The following RTL10 variants were observed in gnomAD, a reference collection of about 807,000 sequenced individuals.
RTL10 encodes retrotransposon Gag like 10.
For missense variants in RTL10, 477 were observed against 470.7 expected (o/e 1.01, Z -0.12); for synonymous variants, 199 against 188.4 (o/e 1.06, Z -0.46).
rs760300855 is a variant in RTL10, at chr22:19,852,191, G to A, written c.71C>T (p.Ala24Val). 1.2e-6 allele frequency: 2 copies of A among 1,613,810 alleles called. No homozygotes were observed. Among genetic ancestry groups the A allele is most frequent in the East Asian group, 4.5e-5 (2 of 44,888 alleles). ...PIWAAANYAN[A>V]HPWQQMDKAS... ...CTTGTCCATCTGCTGCCATGGATGTGCGTTGGCATAATTGGCGGCTGCCCA... is the reference window on the plus strand; with the variant it reads ...CTTGTCCATCTGCTGCCATGGATGTACGTTGGCATAATTGGCGGCTGCCCA... Residue 24 changes from alanine to valine, a missense_variant, in exon 3 of 3, where the codon GCA becomes GTA. Coordinates refer to ENST00000328554, the MANE Select transcript of RTL10 (RefSeq NM_024627.6).
In RTL10 at chr22:19,851,648, ACTGGCAG is replaced by A; in HGVS notation, c.607_613del (p.Leu203TrpfsTer8). 1.9e-6 allele frequency: 3 copies of A among 1,594,312 alleles called. No individual in the cohort carries two copies. The highest frequency in any genetic ancestry group is 2.6e-6 in the Non-Finnish European group (3 of 1,168,394). ...CCTCACCACAGGCAGCTGAGGGGCCACTGGCAGCTGGCTGGAGGCCAGGGGCAGGGGA... is the reference window on the plus strand; with the variant it reads ...CCTCACCACAGGCAGCTGAGGGGCCACTGGCTGGAGGCCAGGGGCAGGGGA... On this transcript the variant is annotated frameshift_variant, in exon 3 of 3. Transcript: ENST00000328554. LOFTEE classifies it low-confidence loss of function (END_TRUNC).
Position 19,851,705 on chromosome 22 carries a change from G to A in RTL10, c.557C>T (p.Ala186Val). The A allele has an allele frequency of 6.2e-7, 1 of 1,602,492 alleles. No homozygotes were observed. Among genetic ancestry groups the A allele is most frequent in the Non-Finnish European group, 8.5e-7 (1 of 1,172,288 alleles). The change falls in exon 3 of 3, where the codon GCT becomes GTT. Residue 186 changes from alanine to valine, a missense_variant. Physicochemically the swap from Ala to Val is moderately conservative, Grantham distance 64 (BLOSUM62 0). Transcript: ENST00000328554. ...KEVVQDPNSF[A>V]EYHAVVTCPL... ...ACAGGTAACCACAGCATGGTACTCA[G>A]CAAAACTGTTCGGGTCTTGAACAAC...
In RTL10 at chr22:19,850,657, C is replaced by T; in HGVS notation, c.*510G>A. 3 of 1,228,516 alleles carry T rather than the reference C, an allele frequency of 2.4e-6. No individual in the cohort carries two copies. The highest frequency in any genetic ancestry group is 3.2e-5 in the East Asian group (1 of 31,458). The allele number at this position is 1,228,516 out of a possible 1,614,324, so 76.1% of individuals were successfully genotyped here. A position where few individuals can be genotyped will look rare whatever the true frequency, so the allele number is the denominator to read the frequency against. ...CAAAGTGGCCACTTCCTCCAGGCAGCCTTCCTCACATTCCAGCTGGGACAG... is the reference window on the plus strand; with the variant it reads ...CAAAGTGGCCACTTCCTCCAGGCAGTCTTCCTCACATTCCAGCTGGGACAG... On this transcript the variant is annotated 3_prime_UTR_variant, in exon 3 of 3. Transcript: ENST00000328554.
In RTL10 at chr22:19,846,618, T is replaced by TAGGGGTTAGGACTTG; in HGVS notation, c.*4548_*4549insCAAGTCCTAACCCCT. On this transcript the variant is annotated 3_prime_UTR_variant, in exon 3 of 3. Coordinates refer to ENST00000328554, the MANE Select transcript of RTL10 (RefSeq NM_024627.6). ...CTTCAATATTTTTATGTTCAAGTCCTAACCCCTAGTACTTACATTTGAAGA... is the reference window on the plus strand; with the variant it reads ...CTTCAATATTTTTATGTTCAAGTCCTAGGGGTTAGGACTTGAACCCCTAGTACTTACATTTGAAGA... 1.1e-6 allele frequency: 1 copy of TAGGGGTTAGGACTTG among 910,050 alleles called. No individual in the cohort carries two copies. The highest frequency in any genetic ancestry group is 5.6e-4 in the Middle Eastern group (1 of 1,798). The allele number at this position is 910,050 out of a possible 1,614,324, so 56.4% of individuals were successfully genotyped here. A position where few individuals can be genotyped will look rare whatever the true frequency, so the allele number is the denominator to read the frequency against.
chr22:19,848,784 A>G lies in RTL10; in HGVS notation c.*2383T>C, dbSNP rs970438402. The G allele has an allele frequency of 3.0e-6, 3 of 985,554 alleles. No homozygotes were observed. Among genetic ancestry groups the G allele is most frequent in the Non-Finnish European group, 1.2e-6 (1 of 830,024 alleles). 61.1% of individuals were successfully genotyped at this position (985,554 alleles called of 1,614,324 possible). On this transcript the variant is annotated 3_prime_UTR_variant, in exon 3 of 3. Coordinates refer to ENST00000328554, the MANE Select transcript of RTL10 (RefSeq NM_024627.6). ...AGGGCACAAAAGCCCCAAAGCCCCAATAGGACAGGGTTCAAAAGAGAAGGC... is the reference window on the plus strand; with the variant it reads ...AGGGCACAAAAGCCCCAAAGCCCCAGTAGGACAGGGTTCAAAAGAGAAGGC...
chr22:19,846,876 C>T lies in RTL10; in HGVS notation c.*4291G>A. 2 of 953,114 alleles carry T rather than the reference C, an allele frequency of 2.1e-6. No homozygotes were observed. The highest frequency in any genetic ancestry group is 2.5e-6 in the Non-Finnish European group (2 of 800,382). 59.0% of individuals were successfully genotyped at this position (953,114 alleles called of 1,614,324 possible). A position where few individuals can be genotyped will look rare whatever the true frequency, so the allele number is the denominator to read the frequency against. On this transcript the variant is annotated 3_prime_UTR_variant, in exon 3 of 3. Transcript: ENST00000328554. ...GAGGAAATGTCTGTTGTTTAAGTCC[C>T]CTAGCCTGCGGTCCTTTGTCAGGCA...
chr22:19,851,093 G>A lies in RTL10; in HGVS notation c.*74C>T. ...CTGGGGACACCACTCTGCTCTGACT[G>A]GGGACTATGGGGCGCTCAAGCCACA... On this transcript the variant is annotated 3_prime_UTR_variant, in exon 3 of 3. Transcript: ENST00000328554. The A allele has an allele frequency of 1.3e-6, 2 of 1,490,848 alleles. No homozygotes were observed. The highest frequency in any genetic ancestry group is 1.8e-6 in the Non-Finnish European group (2 of 1,118,858). 92.4% of individuals were successfully genotyped at this position (1,490,848 alleles called of 1,614,324 possible).
Position 19,846,346 on chromosome 22 carries a change from C to A in RTL10, c.*4821G>T. ...TACAGGATAATGCCTTTGTACCCCC[C>A]AGGTAGGGAAAGATTTCTTAAGTGA... On this transcript the variant is annotated 3_prime_UTR_variant, in exon 3 of 3. Transcript: ENST00000328554. 1.2e-6 allele frequency: 1 copy of A among 866,864 alleles called. No homozygotes were observed. The highest frequency in any genetic ancestry group is 1.4e-6 in the Non-Finnish European group (1 of 721,168). 53.7% of individuals were successfully genotyped at this position (866,864 alleles called of 1,614,324 possible).
chr22:19,846,293 T>G lies in RTL10; in HGVS notation c.*4874A>C. ...TTACAGGTGGACTCAAGGTTGAATG[T>G]CAAAGGCAGAAAGTTACAACCTGGG... On this transcript the variant is annotated 3_prime_UTR_variant, in exon 3 of 3. Transcript: ENST00000328554. 4.6e-6 allele frequency: 2 copies of G among 433,334 alleles called. No individual in the cohort carries two copies. The highest frequency in any genetic ancestry group is 6.2e-6 in the Non-Finnish European group (2 of 324,472). The allele number at this position is 433,334 out of a possible 1,614,324, so 26.8% of individuals were successfully genotyped here. A position where few individuals can be genotyped will look rare whatever the true frequency, so the allele number is the denominator to read the frequency against.
chr22:19,851,657 T>A lies in RTL10; in HGVS notation c.605A>T (p.Gln202Leu). 1 of 1,594,628 alleles carries A rather than the reference T, an allele frequency of 6.3e-7. No homozygotes were observed. Among genetic ancestry groups the A allele is most frequent in the Non-Finnish European group, 8.6e-7 (1 of 1,168,586 alleles). ...AGGCAGCTGAGGGGCCACTGGCAGC[T>A]GGCTGGAGGCCAGGGGCAGGGGACA... ...VTCPLPLASS[Q>L]LPVAPQLPVV... The change falls in exon 3 of 3, where the codon CAG becomes CTG. Residue 202 changes from glutamine to leucine, a missense_variant. By Grantham distance (113) the Gln-to-Leu change is moderately radical (BLOSUM62 -2). Coordinates refer to ENST00000328554, the MANE Select transcript of RTL10 (RefSeq NM_024627.6).
Position 19,847,160 on chromosome 22 carries a change from T to G in RTL10, c.*4007A>C. ...TGCTGTGGCCTTTCCCCTGCCTCAG[T>G]GAGCATGGAGAAATATGTCCAGGTA... On this transcript the variant is annotated 3_prime_UTR_variant, in exon 3 of 3. Transcript: ENST00000328554. The G allele has an allele frequency of 1.0e-6, 1 of 985,396 alleles. No individual in the cohort carries two copies. Among genetic ancestry groups the G allele is most frequent in the African/African-American group, 1.7e-5 (1 of 57,336 alleles). The allele number at this position is 985,396 out of a possible 1,614,324, so 61.0% of individuals were successfully genotyped here. A position where few individuals can be genotyped will look rare whatever the true frequency, so the allele number is the denominator to read the frequency against.
In RTL10 at chr22:19,849,028, G is replaced by C. The variant is rs1239184896; in HGVS notation, c.*2139C>G. 4.1e-6 allele frequency: 4 copies of C among 985,388 alleles called. No individual in the cohort carries two copies. Among genetic ancestry groups the C allele is most frequent in the African/African-American group, 3.5e-5 (2 of 57,218 alleles). The allele number at this position is 985,388 out of a possible 1,614,324, so 61.0% of individuals were successfully genotyped here. A position where few individuals can be genotyped will look rare whatever the true frequency, so the allele number is the denominator to read the frequency against. On this transcript the variant is annotated 3_prime_UTR_variant, in exon 3 of 3. Transcript: ENST00000328554. The stretch of plus-strand genomic sequence containing the variant: ...AGCAGTCTGACCCAACCCACAAAAG[G>C]GGGGATGGGGCCTGAGTCATCGGAC...
chr22:19,852,524 C>T (rs1191120309), intron 2 of RTL10, 38 bp from the exon 3 acceptor site: 2 of 494,332 alleles, frequency 4.0e-6, no homozygotes, highest in Non-Finnish European at 7.2e-6. Flanking sequence ...AGGAACTAGG[C>T]CTAACCATCA....
chr22:19,852,601 TGG>T, intron 2 of RTL10, 115 bp from the exon 3 acceptor site: 1 of 274,150 alleles, frequency 3.6e-6, no homozygotes, highest in Non-Finnish European at 6.8e-6. Flanking sequence ...GAGCTTTGAA[TGG>T]AAGGAGGGGC....
rs187884553 is a variant in RTL10, at chr22:19,847,054, G to A, written c.*4113C>T. The A allele has an allele frequency of 2.9e-4, 288 of 985,452 alleles. 1 individual carries two copies. The African/African-American group carries it at 3.8e-3, about 13-fold the overall frequency. The allele number at this position is 985,452 out of a possible 1,614,324, so 61.0% of individuals were successfully genotyped here. The stretch of plus-strand genomic sequence containing the variant: ...GCCCATAGGATGATCAGCTGCTGCC[G>A]TCCTATGGAACTCAGGTGTGGCTCT... On this transcript the variant is annotated 3_prime_UTR_variant, in exon 3 of 3. Transcript: ENST00000328554.
At position 19,852,176 on chromosome 22, in the gene RTL10, T is replaced by C. The variant is rs771923613; in HGVS notation, c.86A>G (p.Gln29Arg). The C allele has an allele frequency of 6.2e-7, 1 of 1,614,036 alleles. No homozygotes were observed. Among genetic ancestry groups the C allele is most frequent in the Non-Finnish European group, 8.5e-7 (1 of 1,180,038 alleles). ...ANYANAHPWQ[Q>R]MDKASPGVAY... ...CACCCCAGGAGACGCCTTGTCCATCTGCTGCCATGGATGTGCGTTGGCATA... is the reference window on the plus strand; with the variant it reads ...CACCCCAGGAGACGCCTTGTCCATCCGCTGCCATGGATGTGCGTTGGCATA... The change falls in exon 3 of 3, where the codon CAG becomes CGG. Residue 29 changes from glutamine to arginine, a missense_variant. Physicochemically the swap from Gln to Arg is conservative, Grantham distance 43. Transcript: ENST00000328554.
rs749580043 is a variant in RTL10 at position 19,849,539 on chromosome 22, T to C, written c.*1628A>G. ...ATGCACCACCACACTTGGCTAATTT[T>C]GTATTTTTAGGAGAGATGGATTTCT... is the stretch of plus-strand genomic sequence containing the variant. On this transcript the variant is annotated 3_prime_UTR_variant, in exon 3 of 3. Coordinates refer to ENST00000328554, the MANE Select transcript of RTL10 (RefSeq NM_024627.6). 1 of 360,996 alleles carries C rather than the reference T, an allele frequency of 2.8e-6. No individual in the cohort carries two copies. Among genetic ancestry groups the C allele is most frequent in the Non-Finnish European group, 3.9e-6 (1 of 259,630 alleles). 22.4% of individuals were successfully genotyped at this position (360,996 alleles called of 1,614,324 possible).
chr22:19,852,953 T>C (rs1413442290), intron 2 of RTL10, among the ~76,000 whole-genome samples: 2 of 152,160 alleles, frequency 1.3e-5, no homozygotes, highest in Non-Finnish European at 2.9e-5. Context: ...ACTACATTTG[T>C]CTGCTGAGTA....
At position 19,848,966 on chromosome 22, in the gene RTL10, G is replaced by A. The variant is rs564238211; in HGVS notation, c.*2201C>T. ...GGGTTCTACTGCCAGACCCACAGGT[G>A]AGCCAGGCCACAGTGCACTGGAGGT... On this transcript the variant is annotated 3_prime_UTR_variant, in exon 3 of 3. Coordinates refer to ENST00000328554, the MANE Select transcript of RTL10 (RefSeq NM_024627.6). 1.1e-5 allele frequency: 11 copies of A among 985,560 alleles called. No individual in the cohort carries two copies. The South Asian group carries it at 3.3e-4, about 29-fold the overall frequency. 61.1% of individuals were successfully genotyped at this position (985,560 alleles called of 1,614,324 possible).
Sources: gnomAD v4.1 joint callset for allele counts (sites outside exome capture counted in the v4.1 genomes callset) on GRCh38, gnomAD v4.1.1 for gene constraint, MANE v1.5 for transcripts, NCBI Gene and HGNC (gene_info 2026-07-23, HGNC 2026-07-21) for gene names.